Variants in PXDNL observed in about 807,000 individuals in gnomAD.
PXDNL encodes peroxidasin like, also known as probable oxidoreductase PXDNL.
A neutral mutation model predicts 150.8 loss-of-function variants in PXDNL; 145 were observed. That is an observed-to-expected ratio of 0.96 (90% CI 0.84 to 1.10). The LOEUF (loss-of-function observed/expected upper bound fraction) is 1.10, where lower values mean the gene tolerates loss of function less well. PXDNL is among the 50% of genes least tolerant of loss of function. The pLI, the probability that PXDNL is intolerant of heterozygous loss-of-function variation, is 0.00. For missense variants in PXDNL, 2,087 were observed against 1,873.9 expected (o/e 1.11, Z -2.10); for synonymous variants, 757 against 725.7 (o/e 1.04, Z -0.69).
At chr8:51,395,801 T>C (rs1808064221) in intron 17 of PXDNL, among the ~76,000 whole-genome samples, 1 of 152,144 alleles carries the variant, frequency 6.6e-6, no homozygotes, top group African/African-American at 2.4e-5. Flanking sequence ...AAAAGAGCTT[T>C]CCAAAACTTT....
chr8:51,776,672 T>C (rs764884249), intron 1 of PXDNL, among the ~76,000 whole-genome samples: 1 of 152,070 alleles, frequency 6.6e-6, no homozygotes, highest in Non-Finnish European at 1.5e-5. Flanking sequence ...TTAAGTTGTA[T>C]TTTTTAGCAA....
chr8:51,440,858 G>A (rs1297225041), intron 12 of PXDNL, among the ~76,000 whole-genome samples: 1 of 152,142 alleles, frequency 6.6e-6, no homozygotes, highest in Non-Finnish European at 1.5e-5. Context: ...GCCATGAGGT[G>A]CAGAGGGCCA....
At chr8:51,434,427 C>T (rs749161076) in intron 12 of PXDNL, among the ~76,000 whole-genome samples, 2 of 152,316 alleles carry the variant, frequency 1.3e-5, no homozygotes, top group Middle Eastern at 3.4e-3. Flanking sequence ...ACACTTAACA[C>T]TCTCTGGAAT....
At position 51,337,146 on chromosome 8, in the gene PXDNL, A is replaced by C. The variant is rs767748409; in HGVS notation, c.4146+2478T>G. Among the ~76,000 whole-genome samples the C allele has an allele frequency of 2.4e-4, 36 of 152,168 alleles. 1 individual carries two copies. The highest frequency in any genetic ancestry group is 5.9e-4 in the Admixed American group (9 of 15,274). ...ATAAGTACTAAGAATGCTACTAAAC[A>C]CCTAGAAGGGGCAACTACTGCAGTC... On this transcript the variant is annotated intron_variant, in intron 21 of 22. Transcript: ENST00000356297.
At chr8:51,478,995 T>C (rs962873824) in intron 6 of PXDNL, among the ~76,000 whole-genome samples, 2 of 152,144 alleles carry the variant, frequency 1.3e-5, no homozygotes, top group Non-Finnish European at 2.9e-5. Context: ...CTTAAAACAT[T>C]TGGAATAAGC....
chr8:51,585,500 A>G (rs1813303375), intron 3 of PXDNL, among the ~76,000 whole-genome samples: 1 of 152,132 alleles, frequency 6.6e-6, no homozygotes, highest in South Asian at 2.1e-4. Context: ...TGAGCAGTCA[A>G]TGGAGGAGAC....
intron 1 of PXDNL, among the ~76,000 whole-genome samples, chr8:51,680,346 T>G (rs1331039392): frequency 1.3e-5 from 2 of 152,198 alleles, no homozygotes; most frequent in African/African-American, 4.8e-5. Flanking sequence ...GCTTGGCTCT[T>G]TCTTGAATTT....
Position 51,455,115 on chromosome 8 carries a change from C to CAAAAAAAAAAAAAA in PXDNL, c.983-1344_983-1331dup, listed in dbSNP as rs536468204. On this transcript the variant is annotated intron_variant, in intron 9 of 22. Coordinates refer to ENST00000356297, the MANE Select transcript of PXDNL (RefSeq NM_144651.5). ...TGGGCGACAGAGCGAGACTCCGTCTCAAAAAAAAAAAAAAAAAAGAGGTAA... is the reference window on the plus strand; with the variant it reads ...TGGGCGACAGAGCGAGACTCCGTCTCAAAAAAAAAAAAAAAAAAAAAAAAAAAAAAAAGAGGTAA... Among the ~76,000 whole-genome samples the CAAAAAAAAAAAAAA allele has an allele frequency of 9.2e-3, 145 of 15,844 alleles. 47 individuals carry two copies. The highest frequency in any genetic ancestry group is 0.026 in the Admixed American group (16 of 626). The allele number at this position is 15,844 out of a possible 152,430, so 10.4% of individuals were successfully genotyped here. A position where few individuals can be genotyped will look rare whatever the true frequency, so the allele number is the denominator to read the frequency against.
At chr8:51,774,072 G>T (rs1003174902) in intron 1 of PXDNL, among the ~76,000 whole-genome samples, 1 of 152,174 alleles carries the variant, frequency 6.6e-6, no homozygotes, top group Non-Finnish European at 1.5e-5. Flanking sequence ...TGAAATGAAT[G>T]TTTTTATTCA....
intron 21 of PXDNL, among the ~76,000 whole-genome samples, chr8:51,324,774 T>C (rs1436795412): frequency 6.6e-6 from 1 of 152,224 alleles, no homozygotes; most frequent in Non-Finnish European, 1.5e-5. Flanking sequence ...AAAATCTCCA[T>C]CTTGTTTCCC....
At chr8:51,746,150 T>C (rs2036982606) in intron 1 of PXDNL, among the ~76,000 whole-genome samples, 1 of 152,162 alleles carries the variant, frequency 6.6e-6, no homozygotes. Flanking sequence ...TCCAGAGATG[T>C]AGCCATCATC....
At chr8:51,581,493 C>CTAAATAAA (rs549807763) in intron 3 of PXDNL, among the ~76,000 whole-genome samples, 32 of 143,790 alleles carry the variant, frequency 2.2e-4, no homozygotes, top group African/African-American at 8.7e-4. Context: ...GACCCTGTCT[C>CTAAATAAA]TAAATAAATA....
intron 4 of PXDNL, among the ~76,000 whole-genome samples, chr8:51,540,186 C>T (rs113264851): frequency 6.6e-6 from 1 of 152,112 alleles, no homozygotes. Flanking sequence ...GTGTGAGCCA[C>T]TGAGTCTGGA....
At chr8:51,450,224 CA>C (rs1809772499) in intron 10 of PXDNL, among the ~76,000 whole-genome samples, 1 of 152,174 alleles carries the variant, frequency 6.6e-6, no homozygotes, top group African/African-American at 2.4e-5. Context: ...TGAGAACAAC[CA>C]GGGGTCACTG....
chr8:51,530,181 G>C (rs1298199432), intron 4 of PXDNL, among the ~76,000 whole-genome samples: 1 of 152,182 alleles, frequency 6.6e-6, no homozygotes, highest in African/African-American at 2.4e-5. Flanking sequence ...CAATATTTGA[G>C]AGTCATCATT....
intron 1 of PXDNL, among the ~76,000 whole-genome samples, chr8:51,672,396 C>G (rs1402853050): frequency 6.6e-6 from 1 of 152,126 alleles, no homozygotes; most frequent in Non-Finnish European, 1.5e-5. Flanking sequence ...AGAAGTTGGT[C>G]CATAGCTGCA....
At chr8:51,409,613 G>A (rs1586083147) in intron 16 of PXDNL, 52 bp from the exon 17 acceptor site, 1 of 1,464,408 alleles carries the variant, frequency 6.8e-7, no homozygotes. Context: ...GGAGGGCGCG[G>A]GCAACTTGGA....
chr8:51,572,713 T>C (rs991460033), intron 3 of PXDNL, among the ~76,000 whole-genome samples: 10 of 151,988 alleles, frequency 6.6e-5, no homozygotes, highest in African/African-American at 2.4e-4. Flanking sequence ...GCACATTTTA[T>C]GTAATATATG....
At chr8:51,555,318 C>A (rs537890842) in intron 4 of PXDNL, among the ~76,000 whole-genome samples, 4 of 152,288 alleles carry the variant, frequency 2.6e-5, no homozygotes, top group African/African-American at 9.6e-5. Flanking sequence ...TCCACAATAA[C>A]AACATTAATC....
Sources: gnomAD v4.1 joint callset for allele counts (sites outside exome capture counted in the v4.1 genomes callset) on GRCh38, gnomAD v4.1.1 for gene constraint, MANE v1.5 for transcripts, NCBI Gene and HGNC (gene_info 2026-07-23, HGNC 2026-07-21) for gene names.